The following CACNA1D variants were observed in gnomAD, a reference collection of about 807,000 sequenced individuals.
CACNA1D encodes voltage-dependent L-type calcium channel subunit alpha-1D.
In CACNA1D, 55 loss-of-function variants were observed where a neutral mutation model predicts 257.1. That is an observed-to-expected ratio of 0.21 (90% CI 0.17 to 0.27). CACNA1D has a LOEUF of 0.27. CACNA1D is among the 10% of genes least tolerant of loss of function. The pLI is 1.00. For missense variants in CACNA1D, 1,876 were observed against 2,784.0 expected, an observed-to-expected ratio of 0.67 and a Z score of 7.34; for synonymous variants, 980 against 1,014.9, an observed-to-expected ratio of 0.97 and a Z score of 0.65.
At chr3:53,544,722 G>A (rs2092374600) in intron 3 of CACNA1D, among the ~76,000 whole-genome samples, 1 of 152,326 alleles carries the variant, frequency 6.6e-6, no homozygotes, top group South Asian at 2.1e-4. Flanking sequence ...ATATTTAGAT[G>A]CAGAGGTTGG....
chr3:53,756,871 AGGCCATGTTGTTTGCTGCGGTTACT>A (rs1215263924), intron 29 of CACNA1D, among the ~76,000 whole-genome samples: 1 of 152,196 alleles, frequency 6.6e-6, no homozygotes, highest in East Asian at 1.9e-4. Context: ...GCTGCATTCT[AGGCCATGTTGTTTGCTGCGGTTACT>A]GGCCTTCTCC....
intron 3 of CACNA1D, among the ~76,000 whole-genome samples, chr3:53,539,627 A>G (rs1251985686): frequency 7.9e-5 from 12 of 152,178 alleles, no homozygotes; most frequent in Admixed American, 6.5e-4. Context: ...TGAAGGGTAT[A>G]TACATAGAAG....
chr3:53,801,694 C>T (rs914223676), intron 42 of CACNA1D, among the ~76,000 whole-genome samples: 14 of 152,204 alleles, frequency 9.2e-5, no homozygotes, highest in African/African-American at 3.4e-4. Flanking sequence ...CCACAAAATC[C>T]ACCTCTCAAT....
rs1314614418 is a variant in CACNA1D, at chr3:53,811,614, G to A, written c.*208G>A. The A allele has an allele frequency of 1.0e-5, 5 of 486,112 alleles. No individual in the cohort carries two copies. Among genetic ancestry groups the A allele is most frequent in the African/African-American group, 3.9e-5 (2 of 51,278 alleles). 30.1% of individuals were successfully genotyped at this position (486,112 alleles called of 1,614,324 possible). A position where few individuals can be genotyped will look rare whatever the true frequency, so the allele number is the denominator to read the frequency against. On this transcript the variant is annotated 3_prime_UTR_variant, in exon 48 of 48. Transcript: ENST00000350061. This position sits in a 1 kb window ranked among gnomAD's most constrained non-coding sequence, Gnocchi z 4.2. ...GGTTGAGCCTGGCAGAGTACCATGC[G>A]CTCGGCCCCAGCTGCAGGAAACAGC...
rs1050045574 is a variant in CACNA1D at position 53,710,076 on chromosome 3, C to G, written c.1390+7266C>G. Among the ~76,000 whole-genome samples the G allele has an allele frequency of 1.1e-4, 16 of 152,288 alleles. No individual in the cohort carries two copies. In the East Asian group the frequency reaches 2.7e-3, roughly 26 times the overall value. ...CCAGTCTGTACAGGGCTCCTGACTC[C>G]CCCTAAAGTGCCTTTTCCTTAATAC... On this transcript the variant is annotated intron_variant, in intron 9 of 47. Transcript: ENST00000350061.
At position 53,762,069 on chromosome 3, in the gene CACNA1D, C is replaced by T; in HGVS notation, c.3858C>T (p.Leu1286=). 1 of 1,611,398 alleles carries T rather than the reference C, an allele frequency of 6.2e-7. No homozygotes were observed. Among genetic ancestry groups the T allele is most frequent in the Non-Finnish European group, 8.5e-7 (1 of 1,177,442 alleles). ...TCGGCAGCATTATAGACGTGGCCCT[C>T]AGCGAAGCAGACGTGAGTATGCACC... The part of the protein sequence containing the change: ...IVIGSIIDVA[L]SEADPTESEN... Residue 1286 remains leucine (L), a synonymous_variant, in exon 30 of 48, where the codon CTC becomes CTT. Transcript: ENST00000350061.
At chr3:53,803,599 G>C in intron 44 of CACNA1D, 27 bp downstream of exon 44, 1 of 1,611,320 alleles carries the variant, frequency 6.2e-7, no homozygotes, top group Non-Finnish European at 8.5e-7. Flanking sequence ...CCTGTGGAGA[G>C]CGGGAGGCCG....
At chr3:53,539,017 G>A (rs1209241809) in intron 3 of CACNA1D, among the ~76,000 whole-genome samples, 1 of 152,014 alleles carries the variant, frequency 6.6e-6, no homozygotes, top group African/African-American at 2.4e-5. Context: ...TTTCCTGTTT[G>A]ATCATTTAAG....
At chr3:53,666,244 T>A in intron 6 of CACNA1D, 95 bp from the exon 7 acceptor site, 8 of 1,116,832 alleles carry the variant, frequency 7.2e-6, no homozygotes, top group Non-Finnish European at 9.6e-6. Context: ...GGCGGTAGGG[T>A]GTCCCGGGCT....
chr3:53,523,701 C>T (rs1443499548), intron 3 of CACNA1D, among the ~76,000 whole-genome samples: 1 of 152,222 alleles, frequency 6.6e-6, no homozygotes, highest in African/African-American at 2.4e-5. Context: ...CTTCAGGCCC[C>T]CCTTTGCCAC....
intron 26 of CACNA1D, 186 bp from the exon 27 acceptor site, chr3:53,749,082 C>G (rs762580396): frequency 3.1e-5 from 22 of 701,236 alleles, no homozygotes; most frequent in Non-Finnish European, 4.7e-5. Flanking sequence ...GCCCCCTCCT[C>G]TTAGTGCTGG....
intron 25 of CACNA1D, among the ~76,000 whole-genome samples, 184 bp downstream of exon 25, chr3:53,746,059 T>A (rs571456771): frequency 5.3e-5 from 8 of 152,290 alleles, no homozygotes; most frequent in African/African-American, 1.9e-4. Context: ...TCAACCATTT[T>A]CAGTATACAG....
chr3:53,799,974 A>G (rs2095527978), intron 40 of CACNA1D: 2 of 495,334 alleles, frequency 4.0e-6, no homozygotes, highest in African/African-American at 1.9e-5. Flanking sequence ...TAGCACTAGT[A>G]ACCAGGCAGT....
At chr3:53,739,692 A>G (rs1159000795) in intron 20 of CACNA1D, among the ~76,000 whole-genome samples, 1 of 152,178 alleles carries the variant, frequency 6.6e-6, no homozygotes, top group Non-Finnish European at 1.5e-5. Flanking sequence ...GAGACCACCA[A>G]TGCAGGAGTC....
At chr3:53,740,520 G>A (rs987066536) in intron 21 of CACNA1D, 181 bp downstream of exon 21, 3 of 627,386 alleles carry the variant, frequency 4.8e-6, no homozygotes, top group South Asian at 1.7e-5. Flanking sequence ...CTGCTCCTGC[G>A]TGTGACACAC....
intron 30 of CACNA1D, 100 bp from the exon 31 acceptor site, chr3:53,769,873 A>G (rs2095356876): frequency 1.1e-6 from 1 of 944,366 alleles, no homozygotes; most frequent in Admixed American, 1.7e-5. Flanking sequence ...TGGTGTCTAA[A>G]GATGGGAACC....
rs371966930 is a variant in CACNA1D, at chr3:53,753,668, G to A, written c.3772G>A (p.Ala1258Thr). The A allele has an allele frequency of 2.5e-6, 4 of 1,607,648 alleles. No homozygotes were observed. The highest frequency in any genetic ancestry group is 2.6e-6 in the Non-Finnish European group (3 of 1,174,114). The change falls in exon 29 of 48, where the codon GCA becomes ACA. Residue 1258 changes from alanine to threonine, a missense_variant. Physicochemically the swap from Ala to Thr is moderately conservative, Grantham distance 58. Coordinates refer to ENST00000350061, the MANE Select transcript of CACNA1D (RefSeq NM_001128840.3). The part of the protein sequence containing the change: ...FTVEMVLKVI[A>T]FKPKGYFSDA... ...CGTCGAGATGGTTTTGAAAGTCATCGCATTTAAGCCTAAGGTGAGTTGCAG... is the reference window on the plus strand; with the variant it reads ...CGTCGAGATGGTTTTGAAAGTCATCACATTTAAGCCTAAGGTGAGTTGCAG...
In CACNA1D at chr3:53,776,589, A is replaced by G. The variant is rs951692611; in HGVS notation, c.4363-14A>G. On this transcript the variant is annotated splice_polypyrimidine_tract_variant and intron_variant, in intron 35 of 47. Coordinates refer to ENST00000350061, the MANE Select transcript of CACNA1D (RefSeq NM_001128840.3). ...CTGCAGCTGAAGTTCTTCCTTTCCT[A>G]TTTGCTTTTTCAGATCATCAATCTG... The G allele has an allele frequency of 1.9e-6, 3 of 1,613,956 alleles. No individual in the cohort carries two copies. Among genetic ancestry groups the G allele is most frequent in the East Asian group, 2.2e-5 (1 of 44,870 alleles).
intron 6 of CACNA1D, 79 bp from the exon 7 acceptor site, chr3:53,666,260 A>G (rs2094261982): frequency 7.3e-7 from 1 of 1,371,866 alleles, no homozygotes; most frequent in Non-Finnish European, 1.0e-6. Context: ...GGGCTCTGGC[A>G]AGGGTTCTCA....
Sources: gnomAD v4.1 joint callset for allele counts (sites outside exome capture counted in the v4.1 genomes callset) on GRCh38, gnomAD v4.1.1 for gene constraint, Gnocchi (gnomAD v3.1) non-coding constraint, MANE v1.5 for transcripts, NCBI Gene and HGNC (gene_info 2026-07-23, HGNC 2026-07-21) for gene names.